CAPN10: variants seen among roughly 807,000 people sequenced by gnomAD.
CAPN10 encodes calpain-10.
Under a neutral mutation model 78.4 loss-of-function variants are expected in CAPN10, and 71 were observed. The observed-to-expected ratio is 0.91, with a 90% CI of 0.75 to 1.10. CAPN10 has a LOEUF of 1.10. CAPN10 is among the 50% of genes least tolerant of loss of function. CAPN10 has a pLI of 0.00. For missense variants in CAPN10, 849 were observed against 924.6 expected (o/e 0.92, Z 1.06); for synonymous variants, 437 against 407.2 (o/e 1.07, Z -0.88).
At chr2:240,591,107 G>GCAGCC in intron 3 of CAPN10, 96 bp downstream of exon 3, 1 of 1,134,102 alleles carries the variant, frequency 8.8e-7, no homozygotes, top group Non-Finnish European at 1.3e-6. Context: ...ACTCTGGGCT[G>GCAGCC]CAGAGCCCCC....
In CAPN10 at chr2:240,591,637, A is replaced by G. The variant is rs1048745109; in HGVS notation, c.471-296A>G. ...AGGGTTGGAGCTTGAGAGCCAAGGGATGTGGGCATCCATAGCTTCCACGCC... is the reference window on the plus strand; with the variant it reads ...AGGGTTGGAGCTTGAGAGCCAAGGGGTGTGGGCATCCATAGCTTCCACGCC... On this transcript the variant is annotated intron_variant, in intron 3 of 11. Transcript: ENST00000391984. 15 of 460,492 alleles carry G rather than the reference A, an allele frequency of 3.3e-5. No individual in the cohort carries two copies. In the South Asian group the frequency reaches 5.3e-4, roughly 16 times the overall value. 28.5% of individuals were successfully genotyped at this position (460,492 alleles called of 1,614,324 possible). A position where few individuals can be genotyped will look rare whatever the true frequency, so the allele number is the denominator to read the frequency against.
intron 6 of CAPN10, 61 bp downstream of exon 6, chr2:240,594,770 C>G: frequency 7.1e-7 from 1 of 1,412,412 alleles, no homozygotes; most frequent in Non-Finnish European, 9.4e-7. Context: ...GGAGGCTGGG[C>G]AGGTGCCTGG....
At chr2:240,597,257 GACC>G (rs2093142834) in intron 9 of CAPN10, among the ~76,000 whole-genome samples, 1 of 152,230 alleles carries the variant, frequency 6.6e-6, no homozygotes, top group African/African-American at 2.4e-5. Flanking sequence ...CCGAGGTTGA[GACC>G]AGCGGGGGTG....
intron 11 of CAPN10, 100 bp downstream of exon 11, chr2:240,598,497 T>C: frequency 6.7e-7 from 1 of 1,483,034 alleles, no homozygotes. Context: ...GCCTGGGACG[T>C]GAGGTGCCCT....
chr2:240,589,277 G>A, intron 1 of CAPN10, 66 bp from the exon 2 acceptor site: 1 of 1,606,282 alleles, frequency 6.2e-7, no homozygotes, highest in Non-Finnish European at 8.5e-7. Flanking sequence ...CTAGAGCCTT[G>A]GGTTCTTAGT....
At position 240,586,996 on chromosome 2, in the gene CAPN10, G is replaced by C. The variant is rs2125455205; in HGVS notation, c.85G>C (p.Asp29His). 1 of 1,486,168 alleles carries C rather than the reference G, an allele frequency of 6.7e-7. No individual in the cohort carries two copies. 92.1% of individuals were successfully genotyped at this position (1,486,168 alleles called of 1,614,324 possible). Residue 29 changes from aspartate (D) to histidine (H), a missense_variant, in exon 1 of 12, where the codon GAC becomes CAC. Physicochemically the swap from Asp to His is moderately conservative, Grantham distance 81. Transcript: ENST00000391984. ...CGCCGCGGACTCCTCGCTCTTCTGC[G>C]ACTTGTCTACGCCGCTGGCCCAGTT... Reference protein sequence around the residue: ...FPAADSSLFCDLSTPLAQFRE... With the variant: ...FPAADSSLFCHLSTPLAQFRE...
chr2:240,596,906 C>T lies in CAPN10; in HGVS notation c.1707C>T (p.Asp569=). Residue 569 remains aspartate, a synonymous_variant, in exon 9 of 12, where the codon GAC becomes GAT. Transcript: ENST00000391984. ...ITLHQHCRPS[D]TEFHPIGFHI... ...TGCATCAGCACTGCCGGCCCAGTGA[C>T]ACCGAGTTCCACCCCATCGGCTTCC... 6.2e-7 allele frequency: 1 copy of T among 1,613,598 alleles called. No individual in the cohort carries two copies. Among genetic ancestry groups the T allele is most frequent in the South Asian group, 1.1e-5 (1 of 91,090 alleles).
intron 3 of CAPN10, 109 bp downstream of exon 3, chr2:240,591,120 C>T: frequency 1.0e-6 from 1 of 975,332 alleles, no homozygotes; most frequent in Non-Finnish European, 1.5e-6. Context: ...GAGCCCCCTT[C>T]AGTTCTGAGG....
intron 2 of CAPN10, 93 bp downstream of exon 2, chr2:240,589,567 G>A (rs908431005): frequency 4.1e-6 from 6 of 1,462,144 alleles, no homozygotes; most frequent in Non-Finnish European, 5.5e-6. Flanking sequence ...CGAAAGCAGA[G>A]CTGTGCCGCA....
rs747212701 is a variant in CAPN10, at chr2:240,595,044, C to G, written c.1018C>G (p.Arg340Gly). The change falls in exon 7 of 12, where the codon CGG becomes GGG. Residue 340 changes from arginine to glycine, a missense_variant. Transcript: ENST00000391984. ...LYTERLLCHT[R>G]ALPGAWVKGQ... ...ACTAGAGAGGCTGCTCTGCCATACG[C>G]GGGCGCTGCCTGGGGCCTGGGTCAA... 6.2e-7 allele frequency: 1 copy of G among 1,613,166 alleles called. No individual in the cohort carries two copies. The highest frequency in any genetic ancestry group is 2.2e-5 in the East Asian group (1 of 44,884).
At chr2:240,596,109 C>G in intron 7 of CAPN10, 1 of 1,534,762 alleles carries the variant, frequency 6.5e-7, no homozygotes, top group South Asian at 1.2e-5. Context: ...AGGCTCGTGT[C>G]TGGGACAGAT....
intron 1 of CAPN10, among the ~76,000 whole-genome samples, chr2:240,587,987 G>A (rs977984898): frequency 1.3e-5 from 2 of 152,154 alleles, no homozygotes; most frequent in Non-Finnish European, 2.9e-5. Context: ...GCTCAGATTA[G>A]CTTGACGACT....
Position 240,597,924 on chromosome 2 carries a change from C to T in CAPN10, c.1780C>T (p.Leu594=), listed in dbSNP as rs760805653. 5 of 1,611,382 alleles carry T rather than the reference C, an allele frequency of 3.1e-6. No homozygotes were observed. The highest frequency in any genetic ancestry group is 1.7e-6 in the Non-Finnish European group (2 of 1,179,450). The change falls in exon 10 of 12, where the codon CTG becomes TTG. Residue 594 remains leucine (L), a synonymous_variant. Transcript: ENST00000391984. ...EGGRSQDAPP[L]LLQEPLLSCV... ...TGGAAGGAGCCAGGACGCACCCCCA[C>T]TGCTGCTGCAGGAGCCGCTGCTGAG...
rs185596392 is a variant in CAPN10 at position 240,598,628 on chromosome 2, G to A, written c.1990-23G>A. The A allele has an allele frequency of 4.1e-5, 65 of 1,570,892 alleles. No individual in the cohort carries two copies. The East Asian group carries it at 5.3e-4, about 13-fold the overall frequency. On this transcript the variant is annotated intron_variant, in intron 11 of 11. Coordinates refer to ENST00000391984, the MANE Select transcript of CAPN10 (RefSeq NM_023083.4). ...GAAGGGGCGAGTGCCACCGCTGCCCGGGCCCCCCATCTGTCTTTGCAGGTC... is the reference window on the plus strand; with the variant it reads ...GAAGGGGCGAGTGCCACCGCTGCCCAGGCCCCCCATCTGTCTTTGCAGGTC...
At chr2:240,590,787 G>T in intron 2 of CAPN10, 28 bp from the exon 3 acceptor site, 2 of 1,608,116 alleles carry the variant, frequency 1.2e-6, no homozygotes, top group South Asian at 2.2e-5. Context: ...TATCACGCTC[G>T]CCTTTTGCTT....
chr2:240,595,464 C>G, intron 7 of CAPN10, 160 bp downstream of exon 7: 2 of 737,898 alleles, frequency 2.7e-6, no homozygotes, highest in Non-Finnish European at 4.4e-6. Context: ...TTGACGTCTG[C>G]TGGTGCTCCC....
At position 240,590,939 on chromosome 2, in the gene CAPN10, G is replaced by A. The variant is rs2093097989; in HGVS notation, c.398G>A (p.Gly133Glu). ...TTDDRLPCLA[G>E]RLCFSRCQRE... ...GATGACCGCCTGCCGTGCCTTGCAG[G>A]GAGACTCTGTTTCTCCCGCTGCCAG... Residue 133 changes from glycine to glutamate, a missense_variant, in exon 3 of 12, where the codon GGG (glycine) becomes GAG (glutamate). By Grantham distance (98) the Gly-to-Glu change is moderately conservative (BLOSUM62 -2). Coordinates refer to ENST00000391984, the MANE Select transcript of CAPN10 (RefSeq NM_023083.4). 1 of 1,614,230 alleles carries A rather than the reference G, an allele frequency of 6.2e-7. No individual in the cohort carries two copies. The highest frequency in any genetic ancestry group is 8.5e-7 in the Non-Finnish European group (1 of 1,180,050).
At position 240,589,362 on chromosome 2, in the gene CAPN10, G is replaced by T; in HGVS notation, c.161G>T (p.Arg54Leu). 6.2e-7 allele frequency: 1 copy of T among 1,614,116 alleles called. No homozygotes were observed. Among genetic ancestry groups the T allele is most frequent in the Non-Finnish European group, 8.5e-7 (1 of 1,180,028 alleles). ...RRPQEICATPRLFPDDPREGQ... is the reference protein window; with the variant it reads ...RRPQEICATPLLFPDDPREGQ... ...TCTCAGGAGATTTGTGCCACACCCC[G>T]GCTGTTTCCAGATGACCCACGGGAA... The change falls in exon 2 of 12, where the codon CGG becomes CTG. Residue 54 changes from arginine to leucine, a missense_variant. Transcript: ENST00000391984.
At chr2:240,594,945 C>T in intron 6 of CAPN10, 79 bp from the exon 7 acceptor site, 2 of 1,490,370 alleles carry the variant, frequency 1.3e-6, no homozygotes, top group Non-Finnish European at 1.8e-6. Context: ...TAGACCCTGC[C>T]AGGGTTCATG....
Sources: allele counts gnomAD v4.1 joint callset (sites outside exome capture counted in the v4.1 genomes callset), GRCh38; gene constraint gnomAD v4.1.1; transcripts MANE v1.5; gene names NCBI Gene and HGNC (gene_info 2026-07-23, HGNC 2026-07-21).